Variants in ITSN2 observed in about 807,000 individuals in gnomAD.
The protein encoded by ITSN2 is intersectin-2.
ITSN2 carries 156 observed loss-of-function variants against 243.7 expected under a neutral mutation model. That is an observed-to-expected ratio of 0.64 (90% CI 0.56 to 0.73). The LOEUF is 0.73. ITSN2 is among the 30% of genes least tolerant of loss of function. The probability of loss-of-function intolerance (pLI) is 0.00; values close to 1 mark genes in which losing one functional copy is unlikely to be tolerated. For missense variants in ITSN2, 1,801 were observed against 1,996.1 expected (o/e 0.90, Z 1.86); for synonymous variants, 703 against 699.9 (o/e 1.00, Z -0.07).
intron 29 of ITSN2, among the ~76,000 whole-genome samples, chr2:24,235,605 C>T (rs1573954450): frequency 6.6e-6 from 1 of 152,112 alleles, no homozygotes; most frequent in Non-Finnish European, 1.5e-5. Context: ...ATCTCTGTGT[C>T]TTCCTCTCAA....
chr2:24,319,775 CTG>C (rs1684341390), intron 2 of ITSN2, among the ~76,000 whole-genome samples: 1 of 152,226 alleles, frequency 6.6e-6, no homozygotes, highest in South Asian at 2.1e-4. Flanking sequence ...GGGGGAATAA[CTG>C]TAAACATTTT....
Position 24,211,767 on chromosome 2 carries a change from T to C in ITSN2, c.4090-820A>G, listed in dbSNP as rs765654921. On this transcript the variant is annotated intron_variant, in intron 33 of 39. Coordinates refer to ENST00000355123, the MANE Select transcript of ITSN2 (RefSeq NM_006277.3). The surrounding 1 kb of genome is among the most constrained non-coding windows in gnomAD (Gnocchi z 4.1). ...GTTCCACTGTAGGAATATTAGTGTG[T>C]CTGGTTGTAAGTGCTACCCTAAGGC... Among the ~76,000 whole-genome samples the C allele has an allele frequency of 1.3e-5, 2 of 152,344 alleles. No homozygotes were observed. Among genetic ancestry groups the C allele is most frequent in the Non-Finnish European group, 2.9e-5 (2 of 68,022 alleles).
intron 17 of ITSN2, among the ~76,000 whole-genome samples, chr2:24,283,429 T>C (rs1323240755): frequency 2.0e-5 from 3 of 152,178 alleles, no homozygotes; most frequent in African/African-American, 4.8e-5. Flanking sequence ...TTTCACCATG[T>C]TGGCCACGCT....
intron 1 of ITSN2, among the ~76,000 whole-genome samples, chr2:24,358,903 A>G (rs1399702994): frequency 6.6e-6 from 1 of 152,220 alleles, no homozygotes; most frequent in Non-Finnish European, 1.5e-5. Flanking sequence ...TTTACCTTTC[A>G]TTACAAAGGT....
rs1305297163 is a variant in ITSN2 at position 24,204,436 on chromosome 2, A to G, written c.4763-18T>C. The G allele has an allele frequency of 1.9e-6, 3 of 1,613,554 alleles. No individual in the cohort carries two copies. Among genetic ancestry groups the G allele is most frequent in the East Asian group, 4.5e-5 (2 of 44,886 alleles). ...GCTCTTTCCTGAACAAAAACAAACC[A>G]CAGACACATGTGGTGCATGCAGGTA... is the stretch of plus-strand genomic sequence containing the variant. On this transcript the variant is annotated intron_variant, in intron 38 of 39. Transcript: ENST00000355123. The surrounding 1 kb of genome is among the most constrained non-coding windows in gnomAD (Gnocchi z 5.1).
At chr2:24,290,082 C>T (rs987339842) in intron 15 of ITSN2, among the ~76,000 whole-genome samples, 2 of 152,120 alleles carry the variant, frequency 1.3e-5, no homozygotes, top group African/African-American at 4.8e-5. Context: ...GATCACGTGG[C>T]TCGTAGATTT....
At chr2:24,308,098 A>T (rs759092600) in intron 8 of ITSN2, among the ~76,000 whole-genome samples, 49 of 152,204 alleles carry the variant, frequency 3.2e-4, no homozygotes, top group Non-Finnish European at 5.4e-4. Flanking sequence ...TGCTGTTCTC[A>T]ATTAGTACAG....
intron 14 of ITSN2, among the ~76,000 whole-genome samples, chr2:24,295,138 T>C (rs1558571150): frequency 6.6e-6 from 1 of 152,198 alleles, no homozygotes; most frequent in Non-Finnish European, 1.5e-5. Flanking sequence ...GTGATAAATG[T>C]CCACTTACGT....
chr2:24,247,021 G>T lies in ITSN2; in HGVS notation c.3289-128C>A, dbSNP rs1573993368. 15 of 641,418 alleles carry T rather than the reference G, an allele frequency of 2.3e-5. No individual in the cohort carries two copies. The East Asian group carries it at 2.9e-4, about 12-fold the overall frequency. 39.7% of individuals were successfully genotyped at this position (641,418 alleles called of 1,614,324 possible). On this transcript the variant is annotated intron_variant, in intron 27 of 39. Transcript: ENST00000355123. The stretch of plus-strand genomic sequence containing the variant: ...TTTAATTTTGCCTAAAGAGAGGTCT[G>T]GTTTTTGCCCTCAGCTCCTGGAAAG...
At chr2:24,232,071 G>A (rs755006997) in intron 29 of ITSN2, among the ~76,000 whole-genome samples, 12 of 152,090 alleles carry the variant, frequency 7.9e-5, no homozygotes, top group South Asian at 2.1e-4. Flanking sequence ...ATTGAGTACC[G>A]GGTAGCATGC....
At chr2:24,221,923 G>A (rs951633545) in intron 29 of ITSN2, among the ~76,000 whole-genome samples, 1 of 152,158 alleles carries the variant, frequency 6.6e-6, no homozygotes, top group African/African-American at 2.4e-5. Flanking sequence ...GTGATGTGGC[G>A]AAATACCTCA....
intron 32 of ITSN2, 89 bp from the exon 33 acceptor site, chr2:24,212,837 CT>C: frequency 9.5e-7 from 1 of 1,055,132 alleles, no homozygotes; most frequent in Non-Finnish European, 1.5e-6. Flanking sequence ...TTTCACATTT[CT>C]TTTATTTATT....
chr2:24,323,697 T>C (rs1684835361), intron 2 of ITSN2, among the ~76,000 whole-genome samples: 1 of 152,184 alleles, frequency 6.6e-6, no homozygotes. Context: ...GGGTGAATTA[T>C]ACCCCCAATA....
At chr2:24,214,310 C>G (rs1669768729) in intron 32 of ITSN2, 1 of 152,064 alleles carries the variant, frequency 6.6e-6, no homozygotes, top group Non-Finnish European at 1.5e-5. Context: ...ATTAGGTGAC[C>G]TTTTTACTTT....
chr2:24,302,127 A>G (rs754451971), intron 9 of ITSN2, 25 bp from the exon 10 acceptor site: 7 of 1,566,770 alleles, frequency 4.5e-6, no homozygotes, highest in Non-Finnish European at 4.3e-6. Flanking sequence ...AAAATTCACA[A>G]CTTAATAAAG....
chr2:24,272,352 A>G (rs1476658045), intron 18 of ITSN2, among the ~76,000 whole-genome samples: 1 of 151,572 alleles, frequency 6.6e-6, no homozygotes, highest in Non-Finnish European at 1.5e-5. Flanking sequence ...CCACTGTCCT[A>G]TCTAATCTTT....
intron 29 of ITSN2, among the ~76,000 whole-genome samples, chr2:24,245,174 G>T (rs1460239159): frequency 6.6e-6 from 1 of 152,010 alleles, no homozygotes; most frequent in Non-Finnish European, 1.5e-5. Flanking sequence ...TCAACCAAAA[G>T]AACGGCTAGA....
At chr2:24,335,690 A>G (rs1250975953) in intron 1 of ITSN2, among the ~76,000 whole-genome samples, 1 of 43,838 alleles carries the variant, frequency 2.3e-5, no homozygotes, top group Non-Finnish European at 7.7e-5. Flanking sequence ...CCCAGGCTGG[A>G]GTGCAGTGCG....
intron 29 of ITSN2, among the ~76,000 whole-genome samples, chr2:24,231,581 G>A (rs547679816): frequency 6.6e-6 from 1 of 152,364 alleles, no homozygotes; most frequent in East Asian, 1.9e-4. Context: ...TGTGGAGACT[G>A]AGAGACAAGT....
Sources: allele counts gnomAD v4.1 joint callset (sites outside exome capture counted in the v4.1 genomes callset), GRCh38; gene constraint gnomAD v4.1.1; non-coding constraint Gnocchi (gnomAD v3.1); transcripts MANE v1.5; gene names NCBI Gene and HGNC (gene_info 2026-07-23, HGNC 2026-07-21).